The following PRKG1 variants were observed in gnomAD, a reference collection of about 807,000 sequenced individuals.
The protein encoded by PRKG1 is protein kinase cGMP-dependent 1, also known as cGMP-dependent protein kinase 1.
PRKG1 carries 35 observed loss-of-function variants against 88.1 expected under a neutral mutation model. The observed-to-expected ratio is 0.40, with a 90% CI of 0.30 to 0.53. The LOEUF is 0.53. Among genes scored for constraint, PRKG1 ranks in the 20% least tolerant of loss-of-function variants. The pLI, the probability that PRKG1 is intolerant of heterozygous loss-of-function variation, is 0.59. For missense variants in PRKG1, 540 were observed against 839.8 expected (o/e 0.64, Z 4.41); for synonymous variants, 303 against 292.5 (o/e 1.04, Z -0.37).
At chr10:51,656,482 C>T (rs1033371841) in intron 3 of PRKG1, among the ~76,000 whole-genome samples, 9 of 152,076 alleles carry the variant, frequency 5.9e-5, no homozygotes, top group African/African-American at 2.2e-4. Context: ...ACTAATTTAT[C>T]TTTGTATTTC....
At chr10:51,396,432 T>C (rs142540517) in intron 2 of PRKG1, among the ~76,000 whole-genome samples, 1 of 151,180 alleles carries the variant, frequency 6.6e-6, no homozygotes, top group Non-Finnish European at 1.5e-5. Context: ...ACAAGTTGTA[T>C]TGGATCATTT....
chr10:52,076,007 TG>T (rs1449116392), intron 7 of PRKG1, among the ~76,000 whole-genome samples: 1 of 152,222 alleles, frequency 6.6e-6, no homozygotes, highest in African/African-American at 2.4e-5. Flanking sequence ...ATTTATCAAT[TG>T]ATTTTCAACA....
At chr10:51,346,048 C>A (rs980361481) in intron 2 of PRKG1, among the ~76,000 whole-genome samples, 1 of 152,270 alleles carries the variant, frequency 6.6e-6, no homozygotes, top group South Asian at 2.1e-4. Flanking sequence ...TAAATGGTTA[C>A]TTGATCATTT....
chr10:51,152,056 T>C (rs1019023103), intron 1 of PRKG1, among the ~76,000 whole-genome samples: 1 of 152,100 alleles, frequency 6.6e-6, no homozygotes, highest in African/African-American at 2.4e-5. Flanking sequence ...TTTCATCTTA[T>C]GTGGCTTCTG....
chr10:51,817,982 T>C (rs1275144686), intron 4 of PRKG1, among the ~76,000 whole-genome samples: 1 of 152,200 alleles, frequency 6.6e-6, no homozygotes, highest in South Asian at 2.1e-4. Flanking sequence ...AACTGGTATA[T>C]TCTGCTATGT....
intron 5 of PRKG1, among the ~76,000 whole-genome samples, chr10:52,013,527 G>A (rs1844954589): frequency 1.3e-5 from 2 of 152,188 alleles, no homozygotes; most frequent in Admixed American, 1.3e-4. Flanking sequence ...TGAATGGGTG[G>A]AACTCTTCTA....
At chr10:52,129,749 C>T (rs1253183197) in intron 7 of PRKG1, among the ~76,000 whole-genome samples, 1 of 152,074 alleles carries the variant, frequency 6.6e-6, no homozygotes, top group Non-Finnish European at 1.5e-5. Flanking sequence ...ATGAAAATGA[C>T]CCTTTCATAT....
chr10:51,803,470 C>G (rs528404017), intron 3 of PRKG1, among the ~76,000 whole-genome samples: 1 of 152,094 alleles, frequency 6.6e-6, no homozygotes, highest in Admixed American at 6.6e-5. Flanking sequence ...CTCCCCTGTT[C>G]GTTTGTGTGT....
At chr10:51,254,723 G>A (rs1839513461) in intron 2 of PRKG1, among the ~76,000 whole-genome samples, 1 of 151,966 alleles carries the variant, frequency 6.6e-6, no homozygotes, top group Non-Finnish European at 1.5e-5. Flanking sequence ...AAGCAACTAA[G>A]TCATTATTTA....
intron 3 of PRKG1, among the ~76,000 whole-genome samples, chr10:51,709,894 A>C (rs888335996): frequency 1.3e-5 from 2 of 152,184 alleles, no homozygotes; most frequent in Admixed American, 6.5e-5. Context: ...CAGGAAGGAA[A>C]CTTACCTGAC....
intron 3 of PRKG1, among the ~76,000 whole-genome samples, chr10:51,601,670 C>T (rs1838604208): frequency 7.6e-6 from 1 of 131,246 alleles, no homozygotes; most frequent in Admixed American, 8.0e-5. Flanking sequence ...TTCTTTTTAA[C>T]CATGTGTCAT....
intron 2 of PRKG1, among the ~76,000 whole-genome samples, chr10:51,226,763 G>T (rs1175308229): frequency 6.6e-6 from 1 of 152,086 alleles, no homozygotes; most frequent in Non-Finnish European, 1.5e-5. Context: ...TGTGGAGGAA[G>T]AAATGAATTA....
intron 7 of PRKG1, chr10:52,128,410 C>G: frequency 1.0e-5 from 10 of 985,316 alleles, no homozygotes; most frequent in Non-Finnish European, 1.1e-5. Context: ...CCATGAGACA[C>G]AAGAGAATTG....
chr10:52,113,678 G>C (rs183540284), intron 7 of PRKG1, among the ~76,000 whole-genome samples: 1 of 152,102 alleles, frequency 6.6e-6, no homozygotes, highest in African/African-American at 2.4e-5. Flanking sequence ...GTGTGATTAA[G>C]AGCAAAGATG....
At chr10:51,673,711 A>C (rs570899217) in intron 3 of PRKG1, among the ~76,000 whole-genome samples, 10 of 152,322 alleles carry the variant, frequency 6.6e-5, no homozygotes, top group African/African-American at 2.4e-4. Context: ...AGCATAATCC[A>C]TCAGAAATAT....
In PRKG1 at chr10:52,226,511, T is replaced by G. The variant is rs558171474; in HGVS notation, c.1077-25059T>G. Among the ~76,000 whole-genome samples the G allele has an allele frequency of 4.6e-5, 7 of 151,078 alleles. No individual in the cohort carries two copies. In the South Asian group the frequency reaches 1.5e-3, roughly 31 times the overall value. On this transcript the variant is annotated intron_variant, in intron 9 of 17. Transcript: ENST00000373980. ...AGCAAAGGTGATGTTTTACCAACTT[T>G]GAAAATGTACTTTGTTGTTTTAGTC...
At chr10:51,765,043 C>T (rs1838122528) in intron 3 of PRKG1, among the ~76,000 whole-genome samples, 1 of 152,156 alleles carries the variant, frequency 6.6e-6, no homozygotes, top group Non-Finnish European at 1.5e-5. Flanking sequence ...AGCTGCCCAA[C>T]TTAGAGTATT....
chr10:51,647,115 G>A (rs1394308257), intron 3 of PRKG1, among the ~76,000 whole-genome samples: 2 of 147,030 alleles, frequency 1.4e-5, no homozygotes, highest in Admixed American at 1.4e-4. Flanking sequence ...TGGATGTTCA[G>A]ATTGTTGGAG....
chr10:51,557,552 A>G (rs1837345538), intron 3 of PRKG1, among the ~76,000 whole-genome samples: 1 of 151,998 alleles, frequency 6.6e-6, no homozygotes, highest in Non-Finnish European at 1.5e-5. Flanking sequence ...TCAACTAGCT[A>G]TGTCATCTTG....
Sources: gnomAD v4.1 joint callset for allele counts (sites outside exome capture counted in the v4.1 genomes callset) on GRCh38, gnomAD v4.1.1 for gene constraint, MANE v1.5 for transcripts, NCBI Gene and HGNC (gene_info 2026-07-23, HGNC 2026-07-21) for gene names.